Variants in ATRNL1 observed in about 807,000 individuals in gnomAD.
ATRNL1 encodes attractin like 1, also known as attractin-like protein 1.
ATRNL1 carries 95 observed loss-of-function variants against 182.7 expected under a neutral mutation model. The ratio of observed to expected loss-of-function variants is 0.52; its 90% CI spans 0.44 to 0.62. The LOEUF is 0.62. Ranked by LOEUF, ATRNL1 falls within the 20% of genes least tolerant of loss-of-function variation. The pLI, the probability that ATRNL1 is intolerant of heterozygous loss-of-function variation, is 0.00. For missense variants in ATRNL1, 1,471 were observed against 1,679.5 expected (o/e 0.88, Z 2.17); for synonymous variants, 576 against 568.3 (o/e 1.01, Z -0.19).
At chr10:115,585,915 C>T (rs10885742) in intron 26 of ATRNL1, among the ~76,000 whole-genome samples, 8,146 of 12,242 alleles carry the variant, frequency 0.67, 3,753 homozygotes, top group East Asian at 1. Context: ...CCATGTTTAG[C>T]GCTTCCTTCA....
intron 9 of ATRNL1, among the ~76,000 whole-genome samples, chr10:115,232,612 A>G (rs782077632): frequency 2.2e-4 from 34 of 152,232 alleles, no homozygotes; most frequent in South Asian, 1.0e-3. Context: ...TGCTTAAATA[A>G]TACTTACTTA....
intron 27 of ATRNL1, among the ~76,000 whole-genome samples, chr10:115,744,413 T>C (rs1460650488): frequency 1.3e-5 from 2 of 152,072 alleles, no homozygotes; most frequent in Non-Finnish European, 2.9e-5. Flanking sequence ...ATATCACCCC[T>C]TGAATCATCT....
chr10:115,556,923 G>A (rs566230826), intron 26 of ATRNL1, among the ~76,000 whole-genome samples: 19 of 151,264 alleles, frequency 1.3e-4, no homozygotes, highest in African/African-American at 4.6e-4. Context: ...CCATTCTACT[G>A]TTCCATCCCC....
chr10:115,337,942 C>T (rs568722830), intron 19 of ATRNL1, among the ~76,000 whole-genome samples: 106 of 152,136 alleles, frequency 7.0e-4, no homozygotes, highest in Non-Finnish European at 1.3e-3. Context: ...ATAAGGAGTG[C>T]GTAGTCTAGA....
chr10:115,237,137 C>G lies in ATRNL1; in HGVS notation c.1533-4434C>G, dbSNP rs551109417. 1.6e-4 allele frequency among the ~76,000 whole-genome samples: 25 copies of G among 152,178 alleles called. No individual in the cohort carries two copies. The South Asian group carries it at 5.2e-3, about 32-fold the overall frequency. On this transcript the variant is annotated intron_variant, in intron 9 of 28. Transcript: ENST00000355044. ...TGTATGGAAACCATCTTTTGTTTATCCAGTTACCTATTGAAGAACATCTTG... is the reference window on the plus strand; with the variant it reads ...TGTATGGAAACCATCTTTTGTTTATGCAGTTACCTATTGAAGAACATCTTG...
At position 115,093,634 on chromosome 10, in the gene ATRNL1, C is replaced by A. The variant is rs1554862153; in HGVS notation, c.-117C>A. The A allele has an allele frequency of 1.3e-5, 16 of 1,190,904 alleles. No homozygotes were observed. The East Asian group carries it at 4.0e-4, about 30-fold the overall frequency. 73.8% of individuals were successfully genotyped at this position (1,190,904 alleles called of 1,614,324 possible). A position where few individuals can be genotyped will look rare whatever the true frequency, so the allele number is the denominator to read the frequency against. Reference sequence around the variant, plus strand: ...CCGGGGAGCGGGACTCGGACGGGCGCCGGTGAGGAGGAGGAGAAGCGGCGG... The same window carrying A: ...CCGGGGAGCGGGACTCGGACGGGCGACGGTGAGGAGGAGGAGAAGCGGCGG... On this transcript the variant is annotated 5_prime_UTR_variant, in exon 1 of 29. Transcript: ENST00000355044. This position sits in a 1 kb window ranked among gnomAD's most constrained non-coding sequence, Gnocchi z 6.1.
chr10:115,857,536 T>C (rs1951216406), intron 28 of ATRNL1, among the ~76,000 whole-genome samples: 1 of 152,240 alleles, frequency 6.6e-6, no homozygotes, highest in Non-Finnish European at 1.5e-5. Context: ...TAAAGACCAT[T>C]AGCTGTTTGT....
intron 26 of ATRNL1, among the ~76,000 whole-genome samples, chr10:115,593,087 C>T (rs782282869): frequency 5.9e-5 from 9 of 152,250 alleles, no homozygotes; most frequent in Admixed American, 6.5e-5. Context: ...CTAGCAAGGG[C>T]TTTATTGCTG....
chr10:115,281,126 T>G (rs1039572108), intron 13 of ATRNL1, among the ~76,000 whole-genome samples: 1 of 152,238 alleles, frequency 6.6e-6, no homozygotes, highest in Non-Finnish European at 1.5e-5. Flanking sequence ...GCAGTTTGTT[T>G]AATCCTAAAT....
At chr10:115,489,255 G>A (rs1554975904) in intron 24 of ATRNL1, among the ~76,000 whole-genome samples, 1 of 152,184 alleles carries the variant, frequency 6.6e-6, no homozygotes, top group Non-Finnish European at 1.5e-5. Flanking sequence ...TTGGTCCAGA[G>A]CTGAGTTCAA....
chr10:115,346,184 C>A (rs1376325752), intron 19 of ATRNL1, among the ~76,000 whole-genome samples: 1 of 152,102 alleles, frequency 6.6e-6, no homozygotes, highest in Non-Finnish European at 1.5e-5. Context: ...TGTTTTGCCA[C>A]CATCATTTTC....
At chr10:115,574,398 A>G (rs1324660587) in intron 26 of ATRNL1, among the ~76,000 whole-genome samples, 4 of 151,872 alleles carry the variant, frequency 2.6e-5, no homozygotes, top group Non-Finnish European at 5.9e-5. Flanking sequence ...ACTCTTTGAG[A>G]AAAAAGCCTA....
intron 10 of ATRNL1, among the ~76,000 whole-genome samples, chr10:115,262,476 C>A (rs1851434281): frequency 6.6e-6 from 1 of 151,794 alleles, no homozygotes. Flanking sequence ...AAAACCTTTA[C>A]TGGAAAATTA....
At chr10:115,551,438 T>A (rs1414635) in intron 26 of ATRNL1, among the ~76,000 whole-genome samples, 45,392 of 151,182 alleles carry the variant, frequency 0.3, 7,900 homozygotes, top group East Asian at 0.68. Context: ...TAGATTAGGA[T>A]CACTTTCCAG....
chr10:115,615,638 CT>C (rs1389811755), intron 26 of ATRNL1, among the ~76,000 whole-genome samples: 1 of 152,052 alleles, frequency 6.6e-6, no homozygotes, highest in African/African-American at 2.4e-5. Flanking sequence ...GTAGATTCCC[CT>C]ATCAGTGCCA....
intron 19 of ATRNL1, among the ~76,000 whole-genome samples, chr10:115,388,140 A>G (rs1348464266): frequency 1.3e-5 from 2 of 152,158 alleles, no homozygotes; most frequent in African/African-American, 2.4e-5. Flanking sequence ...TATAATATCT[A>G]ACTTAGTGAT....
At chr10:115,764,020 G>A (rs186827522) in intron 27 of ATRNL1, among the ~76,000 whole-genome samples, 17 of 152,134 alleles carry the variant, frequency 1.1e-4, no homozygotes, top group African/African-American at 4.1e-4. Flanking sequence ...GGATTTTTGT[G>A]TTTCTTTGAG....
At chr10:115,461,893 C>A in intron 21 of ATRNL1, 48 bp from the exon 22 acceptor site, 2 of 1,381,428 alleles carry the variant, frequency 1.4e-6, no homozygotes, top group Non-Finnish European at 2.0e-6. Context: ...GCTTTTTAGA[C>A]AGTTTTTAAA....
chr10:115,558,882 A>T (rs1554998150), intron 26 of ATRNL1, among the ~76,000 whole-genome samples: 1 of 152,074 alleles, frequency 6.6e-6, no homozygotes, highest in East Asian at 1.9e-4. Context: ...CTTCTAGCTC[A>T]CTGTGACTAG....
Sources: gnomAD v4.1 joint callset for allele counts (sites outside exome capture counted in the v4.1 genomes callset) on GRCh38, gnomAD v4.1.1 for gene constraint, Gnocchi (gnomAD v3.1) non-coding constraint, MANE v1.5 for transcripts, NCBI Gene and HGNC (gene_info 2026-07-23, HGNC 2026-07-21) for gene names.